Variants in ARSG observed in about 807,000 individuals in gnomAD.
ARSG encodes the protein ASG.
In ARSG, 37 loss-of-function variants were observed where a neutral mutation model predicts 50.5. The observed-to-expected ratio is 0.73, with a 90% CI of 0.56 to 0.96. The LOEUF (loss-of-function observed/expected upper bound fraction) is 0.96, where lower values mean the gene tolerates loss of function less well. Ranked by LOEUF, ARSG falls within the 50% of genes least tolerant of loss-of-function variation. The pLI is 0.00. For synonymous variants in ARSG, 225 were observed against 254.6 expected, an observed-to-expected ratio of 0.88 and a Z score of 1.11; for missense variants, 629 against 675.3, an observed-to-expected ratio of 0.93 and a Z score of 0.76.
the ARSG span, among the ~76,000 whole-genome samples, chr17:68,437,948 TAAAAAA>T: frequency 0.044 from 3,462 of 78,846 alleles, 180 homozygotes; most frequent in African/African-American, 0.13. Flanking sequence ...ACATCTCTCT[TAAAAAA>T]AAAAAAAAAA....
At chr17:68,447,671 G>C in the ARSG span, among the ~76,000 whole-genome samples, 1 of 152,088 alleles carries the variant, frequency 6.6e-6, no homozygotes, top group African/African-American at 2.4e-5. Context: ...GACCACACTT[G>C]GCCCTTTCCT....
At chr17:68,342,077 C>G (rs569301440) in intron 2 of ARSG, among the ~76,000 whole-genome samples, 2 of 152,074 alleles carry the variant, frequency 1.3e-5, no homozygotes, top group South Asian at 4.2e-4. Context: ...GCCTCAGCCT[C>G]CCAAAGTGCT....
downstream of ARSG, among the ~76,000 whole-genome samples, chr17:68,424,062 G>A (rs919934263): frequency 1.3e-5 from 2 of 152,140 alleles, no homozygotes; most frequent in African/African-American, 2.4e-5. Flanking sequence ...AATAACCACC[G>A]CCTCTTGAGG....
At chr17:68,449,007 T>C in the ARSG span, among the ~76,000 whole-genome samples, 1 of 152,226 alleles carries the variant, frequency 6.6e-6, no homozygotes, top group South Asian at 2.1e-4. Flanking sequence ...TGGATTTTCA[T>C]TTGAAAGAGT....
chr17:68,339,912 C>G (rs1251729521), intron 2 of ARSG, among the ~76,000 whole-genome samples: 1 of 152,174 alleles, frequency 6.6e-6, no homozygotes, highest in Non-Finnish European at 1.5e-5. Flanking sequence ...AACAACCACT[C>G]CCAACACATC....
downstream of ARSG, chr17:68,426,254 G>GGGGGGGGT: frequency 2.4e-6 from 2 of 816,924 alleles, no homozygotes; most frequent in Non-Finnish European, 1.9e-6. Context: ...GGGAGCGGGG[G>GGGGGGGGT]CTCAAATAAA....
chr17:68,364,573 T>C (rs1394990756), intron 6 of ARSG, among the ~76,000 whole-genome samples: 1 of 152,166 alleles, frequency 6.6e-6, no homozygotes, highest in African/African-American at 2.4e-5. Flanking sequence ...TTGGCCAGGC[T>C]GGTCTTGAAC....
chr17:68,341,589 A>G (rs905746612), intron 2 of ARSG, among the ~76,000 whole-genome samples: 1 of 152,126 alleles, frequency 6.6e-6, no homozygotes, highest in Non-Finnish European at 1.5e-5. Context: ...CCGTATCTCA[A>G]TCCTAGAGCA....
chr17:68,330,337 G>C (rs1020249909), intron 2 of ARSG, among the ~76,000 whole-genome samples: 1 of 152,190 alleles, frequency 6.6e-6, no homozygotes. Context: ...TAGCTGGGGA[G>C]ACTGTATATT....
intron 2 of ARSG, 111 bp from the exon 3 acceptor site, chr17:68,343,493 G>A: frequency 9.2e-7 from 1 of 1,087,722 alleles, no homozygotes; most frequent in Non-Finnish European, 1.3e-6. Context: ...ATGACTGGGT[G>A]ATCTTTGATC....
At chr17:68,433,775 T>G in the ARSG span, among the ~76,000 whole-genome samples, 6 of 61,514 alleles carry the variant, frequency 9.8e-5, no homozygotes, top group South Asian at 5.9e-4. Flanking sequence ...TTTTTTTTTT[T>G]TTTTTTTTTT....
Position 68,369,067 on chromosome 17 carries a change from T to C in ARSG, c.901+323T>C, listed in dbSNP as rs188920386. Reference sequence around the variant, plus strand: ...GTGAGCCTGTGTTGTCCCTGTGCAGTTCTAAGATTTCCCTCTTCTCCATCT... The same window carrying C: ...GTGAGCCTGTGTTGTCCCTGTGCAGCTCTAAGATTTCCCTCTTCTCCATCT... On this transcript the variant is annotated intron_variant, in intron 7 of 11. Coordinates refer to ENST00000621439, the MANE Select transcript of ARSG (RefSeq NM_001267727.2). Among the ~76,000 whole-genome samples the C allele has an allele frequency of 1.1e-3, 173 of 152,342 alleles. 1 individual carries two copies. Among genetic ancestry groups the C allele is most frequent in the African/African-American group, 4.1e-3 (170 of 41,584 alleles).
chr17:68,298,613 AAAAG>A (rs201455103), intron 1 of ARSG, among the ~76,000 whole-genome samples: 1,953 of 150,948 alleles, frequency 0.013, 40 homozygotes, highest in African/African-American at 0.046. Context: ...AAAAAAAAAA[AAAAG>A]AGAAGAACAC....
chr17:68,281,662 A>G (rs560852537), intron 1 of ARSG, among the ~76,000 whole-genome samples: 1 of 152,342 alleles, frequency 6.6e-6, no homozygotes, highest in East Asian at 1.9e-4. Flanking sequence ...TATATGAAAA[A>G]ATGCTCAACA....
chr17:68,399,850 TC>T lies in ARSG; in HGVS notation c.1213-1508del, dbSNP rs2081397920. Among the ~76,000 whole-genome samples, 1 of 152,246 alleles carries T rather than the reference TC, an allele frequency of 6.6e-6. No homozygotes were observed. The highest frequency in any genetic ancestry group is 1.5e-5 in the Non-Finnish European group (1 of 68,044). ...CAATAGATTTTCCAAGTCTCCCACT[TC>T]CTGCTGTCTCAAGAAGGAAACAAAA... On this transcript the variant is annotated intron_variant, in intron 10 of 11. Coordinates refer to ENST00000621439, the MANE Select transcript of ARSG (RefSeq NM_001267727.2). The surrounding 1 kb of genome is among the most constrained non-coding windows in gnomAD (Gnocchi z 4.6).
chr17:68,451,057 T>C, the ARSG span, among the ~76,000 whole-genome samples: 1 of 152,248 alleles, frequency 6.6e-6, no homozygotes, highest in Non-Finnish European at 1.5e-5. Flanking sequence ...TGATCCACCA[T>C]GCCCCCCACC....
At chr17:68,384,403 G>A (rs1428930234) in intron 8 of ARSG, among the ~76,000 whole-genome samples, 1 of 152,150 alleles carries the variant, frequency 6.6e-6, no homozygotes, top group Non-Finnish European at 1.5e-5. Flanking sequence ...AACCAAGGTG[G>A]AAATTCATAG....
At chr17:68,331,831 G>A (rs897175663) in intron 2 of ARSG, among the ~76,000 whole-genome samples, 2 of 152,196 alleles carry the variant, frequency 1.3e-5, no homozygotes, top group African/African-American at 4.8e-5. Context: ...ATGCCCCCAA[G>A]CCACAAAACC....
downstream of ARSG, chr17:68,422,719 ACT>A (rs2082882405): frequency 8.4e-6 from 1 of 119,040 alleles, no homozygotes; most frequent in Non-Finnish European, 1.6e-5. Context: ...ACAGAGTGAG[ACT>A]CTATCATCTC....
Sources: allele counts gnomAD v4.1 joint callset (sites outside exome capture counted in the v4.1 genomes callset), GRCh38; gene constraint gnomAD v4.1.1; non-coding constraint Gnocchi (gnomAD v3.1); transcripts MANE v1.5; gene names NCBI Gene and HGNC (gene_info 2026-07-23, HGNC 2026-07-21).